CNTNAP5: variants seen among roughly 807,000 people sequenced by gnomAD.
The protein encoded by CNTNAP5 is contactin associated protein family member 5.
In CNTNAP5, 72 loss-of-function variants were observed where a neutral mutation model predicts 150.2. The observed-to-expected ratio is 0.48, with a 90% CI of 0.40 to 0.58. The LOEUF is 0.58. Ranked by LOEUF, CNTNAP5 falls within the 20% of genes least tolerant of loss-of-function variation. The probability of loss-of-function intolerance (pLI) is 0.00; values close to 1 mark genes in which losing one functional copy is unlikely to be tolerated. For missense variants in CNTNAP5, 1,636 were observed against 1,626.2 expected (o/e 1.01, Z -0.10); for synonymous variants, 672 against 619.8 (o/e 1.08, Z -1.25).
rs145978641 is a variant in CNTNAP5, at chr2:124,669,032, C to G, written c.2077+21074C>G. 3.9e-5 allele frequency among the ~76,000 whole-genome samples: 6 copies of G among 152,288 alleles called. No homozygotes were observed. In the East Asian group the frequency reaches 7.7e-4, roughly 20 times the overall value. On this transcript the variant is annotated intron_variant, in intron 13 of 23. Coordinates refer to ENST00000682447, the MANE Select transcript of CNTNAP5 (RefSeq NM_001367498.1). ...CATTTTGCTTTACCAGCTCTGCCTCCTCTGTGAAGCCCACCCTGATTTATT... is the reference window on the plus strand; with the variant it reads ...CATTTTGCTTTACCAGCTCTGCCTCGTCTGTGAAGCCCACCCTGATTTATT...
At chr2:124,027,866 A>G (rs1680940647) in intron 1 of CNTNAP5, among the ~76,000 whole-genome samples, 1 of 152,232 alleles carries the variant, frequency 6.6e-6, no homozygotes, top group African/African-American at 2.4e-5. Flanking sequence ...GAAAAAAATT[A>G]GCTCTGAACT....
chr2:124,522,962 C>A (rs1418630946), intron 8 of CNTNAP5, among the ~76,000 whole-genome samples: 1 of 152,268 alleles, frequency 6.6e-6, no homozygotes, highest in East Asian at 1.9e-4. Flanking sequence ...CCCAGAATTG[C>A]AAGAGGTGGT....
chr2:124,209,249 G>T (rs1486438319), intron 1 of CNTNAP5, among the ~76,000 whole-genome samples: 2 of 152,090 alleles, frequency 1.3e-5, no homozygotes, highest in East Asian at 3.9e-4. Context: ...CAAAATGAGA[G>T]GGTGTTGGAG....
intron 3 of CNTNAP5, among the ~76,000 whole-genome samples, chr2:124,297,918 C>T (rs1334877766): frequency 6.6e-6 from 1 of 151,362 alleles, no homozygotes; most frequent in African/African-American, 2.4e-5. Context: ...AATCTTGGCT[C>T]ACTGCAACCT....
intron 3 of CNTNAP5, among the ~76,000 whole-genome samples, chr2:124,261,393 T>C (rs551871926): frequency 1.3e-5 from 2 of 152,310 alleles, no homozygotes; most frequent in East Asian, 3.9e-4. Context: ...CGTCGCACTT[T>C]ATTTTATAAG....
intron 13 of CNTNAP5, among the ~76,000 whole-genome samples, chr2:124,671,610 C>T (rs1421283729): frequency 6.6e-6 from 1 of 152,096 alleles, no homozygotes; most frequent in African/African-American, 2.4e-5. Flanking sequence ...TGAATGCTAA[C>T]TTTAATCTTA....
At position 124,765,196 on chromosome 2, in the gene CNTNAP5, G is replaced by C. The variant is rs1681044097; in HGVS notation, c.2533+1049G>C. Among the ~76,000 whole-genome samples the C allele has an allele frequency of 3.3e-5, 5 of 151,968 alleles. No individual in the cohort carries two copies. The South Asian group carries it at 1.0e-3, about 32-fold the overall frequency. Reference sequence around the variant, plus strand: ...CTGTTAATGTTTTTACTTCAGGATTGATTCTAGAAACTTCTACATGTCTCT... The same window carrying C: ...CTGTTAATGTTTTTACTTCAGGATTCATTCTAGAAACTTCTACATGTCTCT... On this transcript the variant is annotated intron_variant, in intron 16 of 23. Transcript: ENST00000682447.
chr2:124,670,344 T>C (rs941197506), intron 13 of CNTNAP5, among the ~76,000 whole-genome samples: 37 of 152,140 alleles, frequency 2.4e-4, no homozygotes, highest in African/African-American at 8.9e-4. Context: ...TATCTTTTCA[T>C]GTACTTGCTG....
intron 3 of CNTNAP5, among the ~76,000 whole-genome samples, chr2:124,357,005 G>T (rs890970797): frequency 9.9e-5 from 15 of 152,242 alleles, no homozygotes; most frequent in African/African-American, 3.1e-4. Flanking sequence ...CATTCTAACT[G>T]GTGTGAGATG....
intron 7 of CNTNAP5, among the ~76,000 whole-genome samples, chr2:124,490,829 C>A (rs1346788572): frequency 6.6e-6 from 1 of 151,772 alleles, no homozygotes; most frequent in African/African-American, 2.4e-5. Flanking sequence ...AGTTAAATAA[C>A]CCTGTATTAA....
At chr2:124,238,717 A>G (rs1331522778) in intron 2 of CNTNAP5, among the ~76,000 whole-genome samples, 1 of 152,208 alleles carries the variant, frequency 6.6e-6, no homozygotes, top group East Asian at 1.9e-4. Context: ...TGCCAAATGC[A>G]CTTATTTGTA....
At chr2:124,075,765 T>C (rs1269114588) in intron 1 of CNTNAP5, among the ~76,000 whole-genome samples, 2 of 152,116 alleles carry the variant, frequency 1.3e-5, no homozygotes, top group Non-Finnish European at 2.9e-5. Context: ...TGAAAGACTT[T>C]GGAAGAAGTG....
At chr2:124,747,788 CTTTTTTTT>C (rs34959025) in intron 14 of CNTNAP5, among the ~76,000 whole-genome samples, 88 of 42,438 alleles carry the variant, frequency 2.1e-3, no homozygotes, top group Non-Finnish European at 3.7e-3. Flanking sequence ...CCTAACTCTT[CTTTTTTTT>C]TTTTTTTTTT....
At chr2:124,785,402 AT>A (rs1459327532) in intron 17 of CNTNAP5, among the ~76,000 whole-genome samples, 2 of 152,210 alleles carry the variant, frequency 1.3e-5, no homozygotes, top group African/African-American at 4.8e-5. Context: ...TTTTAGAAGT[AT>A]TTTTTGTGTT....
At chr2:124,423,747 C>T (rs1308793625) in intron 4 of CNTNAP5, among the ~76,000 whole-genome samples, 1 of 128,658 alleles carries the variant, frequency 7.8e-6, no homozygotes, top group Non-Finnish European at 1.6e-5. Flanking sequence ...TCACTGCAAG[C>T]TCCGCCTCCC....
At chr2:124,897,861 T>A (rs1452084019) in intron 21 of CNTNAP5, among the ~76,000 whole-genome samples, 1 of 151,380 alleles carries the variant, frequency 6.6e-6, no homozygotes, top group Non-Finnish European at 1.5e-5. Flanking sequence ...TTTCTCACTT[T>A]ATAAGGAAAA....
At chr2:124,638,908 A>G (rs1261626021) in intron 12 of CNTNAP5, among the ~76,000 whole-genome samples, 2 of 152,176 alleles carry the variant, frequency 1.3e-5, no homozygotes, top group Admixed American at 1.3e-4. Context: ...ACAATGCTTT[A>G]TTCGATCAGA....
intron 4 of CNTNAP5, among the ~76,000 whole-genome samples, chr2:124,425,831 C>T (rs908465552): frequency 2.0e-5 from 3 of 152,106 alleles, no homozygotes; most frequent in Non-Finnish European, 4.4e-5. Context: ...CTTTGTATCT[C>T]AGAGCTCAGT....
At chr2:124,097,112 A>C (rs796276819) in intron 1 of CNTNAP5, among the ~76,000 whole-genome samples, 1 of 152,316 alleles carries the variant, frequency 6.6e-6, no homozygotes, top group African/African-American at 2.4e-5. Context: ...ATTCTTTTAG[A>C]GCTTGGAAAG....
Sources: gnomAD v4.1 joint callset for allele counts (sites outside exome capture counted in the v4.1 genomes callset) on GRCh38, gnomAD v4.1.1 for gene constraint, MANE v1.5 for transcripts, NCBI Gene and HGNC (gene_info 2026-07-23, HGNC 2026-07-21) for gene names.